The following GALNT16 variants were observed in gnomAD, a reference collection of about 807,000 sequenced individuals.
The protein encoded by GALNT16 is polypeptide N-acetylgalactosaminyltransferase 16, also known as UDP-GalNAc:polypeptide N-acetylgalactosaminyltransferase-like protein 1.
GALNT16 carries 40 observed loss-of-function variants against 76.1 expected under a neutral mutation model. The ratio of observed to expected loss-of-function variants is 0.53; its 90% CI spans 0.41 to 0.68. The LOEUF (loss-of-function observed/expected upper bound fraction) is 0.68. Ranked by LOEUF, GALNT16 falls within the 30% of genes least tolerant of loss-of-function variation. The pLI is 0.00. For synonymous variants in GALNT16, 276 were observed against 285.2 expected (o/e 0.97, Z 0.32); for missense variants, 621 against 731.9 (o/e 0.85, Z 1.75).
chr14:69,307,545 G>T (rs1412597862), intron 1 of GALNT16, among the ~76,000 whole-genome samples: 1 of 152,098 alleles, frequency 6.6e-6, no homozygotes, highest in Non-Finnish European at 1.5e-5. Flanking sequence ...GACCCGATGT[G>T]CTTGACACCC....
At chr14:69,340,641 T>A (rs924949989) in intron 11 of GALNT16, among the ~76,000 whole-genome samples, 2 of 152,120 alleles carry the variant, frequency 1.3e-5, no homozygotes, top group Non-Finnish European at 2.9e-5. Context: ...CGTGCCACCA[T>A]GCCCAGCTGA....
intron 13 of GALNT16, 147 bp from the exon 14 acceptor site, chr14:69,347,730 G>A: frequency 1.2e-6 from 1 of 810,304 alleles, no homozygotes; most frequent in Non-Finnish European, 2.0e-6. Context: ...ATTATGCAGT[G>A]AATACCCATA....
chr14:69,306,557 C>T (rs185388125), intron 1 of GALNT16, among the ~76,000 whole-genome samples: 1 of 152,292 alleles, frequency 6.6e-6, no homozygotes, highest in East Asian at 1.9e-4. Flanking sequence ...ACTCTTCTTC[C>T]TGCTGTTAAC....
At chr14:69,334,538 A>G (rs1420215916) in intron 9 of GALNT16, among the ~76,000 whole-genome samples, 6 of 152,326 alleles carry the variant, frequency 3.9e-5, no homozygotes, top group East Asian at 1.9e-4. Context: ...GCTTATTTAC[A>G]TGGTGCGGGC....
chr14:69,322,274 A>G (rs1458544405), intron 2 of GALNT16, among the ~76,000 whole-genome samples: 1 of 152,228 alleles, frequency 6.6e-6, no homozygotes, highest in Non-Finnish European at 1.5e-5. Flanking sequence ...CCTGGGCAGC[A>G]TCCCCTCCTG....
At chr14:69,296,286 A>G (rs1218738319) in intron 1 of GALNT16, among the ~76,000 whole-genome samples, 1 of 152,186 alleles carries the variant, frequency 6.6e-6, no homozygotes, top group African/African-American at 2.4e-5. Flanking sequence ...AATCTCCCCC[A>G]TGGTCCAATC....
chr14:69,328,620 T>G (rs756314914), intron 6 of GALNT16, 49 bp downstream of exon 6: 1 of 1,584,502 alleles, frequency 6.3e-7, no homozygotes, highest in Admixed American at 1.7e-5. Context: ...ACTCAGCCAC[T>G]ACGTTCCTGG....
At chr14:69,325,832 C>A in intron 4 of GALNT16, 130 bp from the exon 5 acceptor site, 1 of 725,456 alleles carries the variant, frequency 1.4e-6, no homozygotes, top group South Asian at 1.5e-5. Context: ...TAGTGATGAC[C>A]ATACCTCTTC....
chr14:69,327,081 G>C (rs2045295859), intron 5 of GALNT16, among the ~76,000 whole-genome samples: 1 of 152,180 alleles, frequency 6.6e-6, no homozygotes, highest in South Asian at 2.1e-4. Context: ...GGATGTGATT[G>C]ATATGTTTAA....
At chr14:69,346,484 G>C (rs1221677133) in intron 12 of GALNT16, among the ~76,000 whole-genome samples, 1 of 152,172 alleles carries the variant, frequency 6.6e-6, no homozygotes, top group Non-Finnish European at 1.5e-5. Context: ...GGTGTGAGAA[G>C]ATTCAGTCCC....
chr14:69,333,578 C>A lies in GALNT16; in HGVS notation c.945C>A (p.Asp315Glu). The A allele has an allele frequency of 1.3e-6, 2 of 1,583,674 alleles. No homozygotes were observed. Among genetic ancestry groups the A allele is most frequent in the Non-Finnish European group, 1.7e-6 (2 of 1,156,548 alleles). The change falls in exon 9 of 15, where the codon GAC (aspartate) becomes GAA (glutamate). Residue 315 changes from aspartate to glutamate, a missense_variant. Asp to Glu is a conservative substitution (Grantham distance 45, BLOSUM62 2). Coordinates refer to ENST00000448469, the MANE Select transcript of GALNT16 (RefSeq NM_001168368.2). This position sits in a 1 kb window ranked among gnomAD's most constrained non-coding sequence, Gnocchi z 4.2. ...NHLGKYDAQM[D>E]IWGGENFELS... Reference sequence around the variant, plus strand: ...TGGGAAAGTATGATGCCCAGATGGACATCTGGGGGGGAGAGAATTTTGGTG... The same window carrying A: ...TGGGAAAGTATGATGCCCAGATGGAAATCTGGGGGGGAGAGAATTTTGGTG...
the GALNT16 span, among the ~76,000 whole-genome samples, chr14:69,374,820 C>T: frequency 3.9e-5 from 6 of 152,302 alleles, no homozygotes; most frequent in South Asian, 1.2e-3. Flanking sequence ...TGGCACCTTG[C>T]AAGGGCCTTC....
chr14:69,364,740 T>A, the GALNT16 span, among the ~76,000 whole-genome samples: 1 of 152,184 alleles, frequency 6.6e-6, no homozygotes, highest in Admixed American at 6.5e-5. The surrounding 1 kb of genome is among the most constrained non-coding windows in gnomAD (Gnocchi z 4.2). Flanking sequence ...CTCTTCAATA[T>A]TCTTCTTGCT....
chr14:69,310,522 T>C (rs1315524452), intron 1 of GALNT16, among the ~76,000 whole-genome samples: 1 of 152,212 alleles, frequency 6.6e-6, no homozygotes, highest in Non-Finnish European at 1.5e-5. Flanking sequence ...TGGACAAATA[T>C]ACCTAATCAG....
At chr14:69,302,054 G>T (rs554314624) in intron 1 of GALNT16, among the ~76,000 whole-genome samples, 1 of 152,248 alleles carries the variant, frequency 6.6e-6, no homozygotes, top group East Asian at 1.9e-4. Context: ...GGTGCTGCAT[G>T]CAAAGTTTTG....
chr14:69,386,016 T>C, the GALNT16 span, among the ~76,000 whole-genome samples: 1 of 152,186 alleles, frequency 6.6e-6, no homozygotes, highest in African/African-American at 2.4e-5. Context: ...CTGTCCCTCA[T>C]CCCCTCTGTC....
At chr14:69,270,677 C>T (rs1250626739) in intron 1 of GALNT16, among the ~76,000 whole-genome samples, 5 of 152,214 alleles carry the variant, frequency 3.3e-5, no homozygotes, top group Admixed American at 3.3e-4. Flanking sequence ...TTCCAGGGGG[C>T]TTCACTTCTG....
chr14:69,323,003 T>C (rs866117770), intron 2 of GALNT16, among the ~76,000 whole-genome samples: 2 of 30,488 alleles, frequency 6.6e-5, no homozygotes, highest in Non-Finnish European at 1.1e-4. Flanking sequence ...CGCGCACGCA[T>C]GCACACGTGT....
At chr14:69,338,059 G>A (rs1485049010) in intron 9 of GALNT16, among the ~76,000 whole-genome samples, 2 of 152,188 alleles carry the variant, frequency 1.3e-5, no homozygotes, top group East Asian at 1.9e-4. Flanking sequence ...CTGCTCTCCC[G>A]ACACCACTGG....
Sources: allele counts gnomAD v4.1 joint callset (sites outside exome capture counted in the v4.1 genomes callset), GRCh38; gene constraint gnomAD v4.1.1; non-coding constraint Gnocchi (gnomAD v3.1); transcripts MANE v1.5; gene names NCBI Gene and HGNC (gene_info 2026-07-23, HGNC 2026-07-21).